Variants in BCCIP observed in about 807,000 individuals in gnomAD.
BCCIP encodes the protein BRCA2 and CDKN1A interacting protein.
Under a neutral mutation model 32.8 loss-of-function variants are expected in BCCIP, and 23 were observed. The ratio of observed to expected loss-of-function variants is 0.70; its 90% confidence interval spans 0.51 to 0.99. The LOEUF is 0.99. Ranked by LOEUF, BCCIP falls within the 50% of genes least tolerant of loss-of-function variation. BCCIP has a pLI of 0.00. For synonymous variants in BCCIP, 144 were observed against 137.6 expected (o/e 1.05, Z -0.33); for missense variants, 378 against 379.8 (o/e 1.00, Z 0.04).
chr10:125,825,061 C>T (rs1854346912), intron 1 of BCCIP, among the ~76,000 whole-genome samples: 1 of 152,264 alleles, frequency 6.6e-6, no homozygotes, highest in African/African-American at 2.4e-5. Flanking sequence ...CACCATTTTT[C>T]ACTTAGAACT....
chr10:125,833,666 C>G, intron 5 of BCCIP, 106 bp from the exon 6 acceptor site: 1 of 1,080,908 alleles, frequency 9.3e-7, no homozygotes. Context: ...GCCTGCGTCA[C>G]AGCAGAACCC....
intron 5 of BCCIP, 132 bp from the exon 6 acceptor site, chr10:125,833,638 TAA>T (rs1854577435): frequency 4.1e-6 from 3 of 739,212 alleles, no homozygotes; most frequent in Non-Finnish European, 6.8e-6. Flanking sequence ...TCCTGTAGAC[TAA>T]GTGTTCAGAT....
In BCCIP at chr10:125,823,739, C is replaced by T. The variant is rs1350875585; in HGVS notation, c.165+17C>T. The T allele has an allele frequency of 1.9e-6, 3 of 1,613,252 alleles. No homozygotes were observed. The highest frequency in any genetic ancestry group is 2.5e-6 in the Non-Finnish European group (3 of 1,179,528). ...ATTGACGAGGTGAGAAGGACACGCTCCCCTAGTTGGTTTATACCTGAGAAA... is the reference window on the plus strand; with the variant it reads ...ATTGACGAGGTGAGAAGGACACGCTTCCCTAGTTGGTTTATACCTGAGAAA... On this transcript the variant is annotated intron_variant, in intron 1 of 6. Coordinates refer to ENST00000278100, the MANE Select transcript of BCCIP (RefSeq NM_078468.3).
At chr10:125,840,584 C>G (rs1370184586), downstream of BCCIP, among the ~76,000 whole-genome samples, 2 of 152,238 alleles carry the variant, frequency 1.3e-5, no homozygotes, top group Admixed American at 6.5e-5. Context: ...AGCAAGCTTG[C>G]TCTGAAGGCT....
intron 4 of BCCIP, among the ~76,000 whole-genome samples, chr10:125,831,071 A>T (rs1854510502): frequency 1.3e-5 from 2 of 152,252 alleles, no homozygotes. Flanking sequence ...AAAGTAAACC[A>T]GCTGCTTACC....
chr10:125,839,295 A>G (rs1854800943), downstream of BCCIP: 1 of 1,150,334 alleles, frequency 8.7e-7, no homozygotes, highest in African/African-American at 1.6e-5. Flanking sequence ...CCTCTCCTAC[A>G]AAGGAGGCCA....
chr10:125,823,569 G>A lies in BCCIP; in HGVS notation c.12G>A (p.Arg4=), dbSNP rs780555490. ...GTGTGAGCGGCAACATGGCGTCCAG[G>A]TCTAAGCGGCGTGCCGTGGAAAGTG... The part of the protein sequence containing the change: MAS[R]SKRRAVESGV... The change falls in exon 1 of 7, where the codon AGG becomes AGA. Residue 4 remains arginine, a synonymous_variant. Coordinates refer to ENST00000278100, the MANE Select transcript of BCCIP (RefSeq NM_078468.3). 3.5e-5 allele frequency: 57 copies of A among 1,613,772 alleles called. No homozygotes were observed. The South Asian group carries it at 4.9e-4, about 14-fold the overall frequency.
At chr10:125,849,525 C>A (rs1944063857) in intron 7 of BCCIP, among the ~76,000 whole-genome samples, 1 of 152,192 alleles carries the variant, frequency 6.6e-6, no homozygotes, top group African/African-American at 2.4e-5. Context: ...AGCCTTTAAA[C>A]AGATAATAGT....
intron 7 of BCCIP, among the ~76,000 whole-genome samples, chr10:125,848,817 A>G (rs946760758): frequency 3.9e-5 from 6 of 152,206 alleles, no homozygotes; most frequent in Non-Finnish European, 8.8e-5. Flanking sequence ...TCACTTTTCT[A>G]AGGGGCATGC....
At chr10:125,828,160 G>C (rs1221962937) in intron 3 of BCCIP, among the ~76,000 whole-genome samples, 1 of 152,082 alleles carries the variant, frequency 6.6e-6, no homozygotes, top group Non-Finnish European at 1.5e-5. Context: ...GATGAAATAT[G>C]ATGAGGTTTA....
At chr10:125,831,802 A>G (rs1854527557) in intron 5 of BCCIP, among the ~76,000 whole-genome samples, 195 bp downstream of exon 5, 1 of 152,240 alleles carries the variant, frequency 6.6e-6, no homozygotes, top group South Asian at 2.1e-4. Flanking sequence ...AGAGTTTGTG[A>G]CAATAATCAT....
exon 7 of BCCIP, chr10:125,842,028 A>G: frequency 7.3e-7 from 1 of 1,378,498 alleles, no homozygotes; most frequent in South Asian, 1.7e-5. Flanking sequence ...AAACAAGCAA[A>G]CAATGGACAA....
chr10:125,833,961 C>G lies in BCCIP; in HGVS notation c.774+15C>G. ...TTTTCTATGAGGTAAGACTATCCTGCTTATTTGTTTAGATGTAAATAAGGA... is the reference window on the plus strand; with the variant it reads ...TTTTCTATGAGGTAAGACTATCCTGGTTATTTGTTTAGATGTAAATAAGGA... On this transcript the variant is annotated intron_variant, in intron 6 of 6. Transcript: ENST00000278100. 6.2e-7 allele frequency: 1 copy of G among 1,610,922 alleles called. No individual in the cohort carries two copies. The highest frequency in any genetic ancestry group is 1.3e-5 in the African/African-American group (1 of 74,814).
chr10:125,828,898 G>C (rs1057452427), intron 3 of BCCIP, among the ~76,000 whole-genome samples: 1 of 152,188 alleles, frequency 6.6e-6, no homozygotes, highest in East Asian at 1.9e-4. Flanking sequence ...CTAGCTGTCT[G>C]TCGGGAGCTT....
At position 125,836,320 on chromosome 10, in the gene BCCIP, A is replaced by G. The variant is rs775132088; in HGVS notation, c.*46A>G. The G allele has an allele frequency of 1.9e-6, 3 of 1,612,370 alleles. No homozygotes were observed. The highest frequency in any genetic ancestry group is 2.5e-6 in the Non-Finnish European group (3 of 1,179,418). ...ATGGGCTTGTTTTTGTAAAATTACC[A>G]GAAAACTCAGTGGAGATTTACTGAA... On this transcript the variant is annotated 3_prime_UTR_variant, in exon 7 of 7. Coordinates refer to ENST00000278100, the MANE Select transcript of BCCIP (RefSeq NM_078468.3).
chr10:125,831,645 T>C, intron 5 of BCCIP, 38 bp downstream of exon 5: 1 of 1,562,296 alleles, frequency 6.4e-7, no homozygotes, highest in Non-Finnish European at 8.7e-7. Context: ...AACAGTAATT[T>C]TTTTTTCAAA....
In BCCIP at chr10:125,848,931, T is replaced by C. The variant is rs567491860; in HGVS notation, c.851-4194T>C. On this transcript the variant is annotated intron_variant, in intron 7 of 7. Transcript: ENST00000368759. The stretch of plus-strand genomic sequence containing the variant: ...GCAATGAGAGTCCTAATTTACTGAA[T>C]AATACCCCACTAGCAAATGATGGGG... Among the ~76,000 whole-genome samples, 255 of 152,290 alleles carry C rather than the reference T, an allele frequency of 1.7e-3. 1 individual carries two copies. Among genetic ancestry groups the C allele is most frequent in the African/African-American group, 5.6e-3 (233 of 41,556 alleles).
intron 3 of BCCIP, 85 bp from the exon 4 acceptor site, chr10:125,830,477 A>C: frequency 1.3e-6 from 1 of 791,312 alleles, no homozygotes; most frequent in Non-Finnish European, 1.9e-6. Flanking sequence ...TGAAAAGATA[A>C]ATGAGGCCTA....
chr10:125,841,905 C>A, exon 7 of BCCIP: 1 of 1,600,964 alleles, frequency 6.2e-7, no homozygotes, highest in Non-Finnish European at 8.5e-7. Context: ...TAATCTAAGT[C>A]TTCCAATGCC....
Sources: gnomAD v4.1 joint callset for allele counts (sites outside exome capture counted in the v4.1 genomes callset) on GRCh38, gnomAD v4.1.1 for gene constraint, MANE v1.5 for transcripts, NCBI Gene and HGNC (gene_info 2026-07-23, HGNC 2026-07-21) for gene names.